SRRM4: variants seen among roughly 807,000 people sequenced by gnomAD.
SRRM4 encodes the protein serine/arginine repetitive matrix protein 4.
SRRM4 carries 33 observed loss-of-function variants against 68.9 expected under a neutral mutation model. The ratio of observed to expected loss-of-function variants is 0.48; its 90% CI spans 0.36 to 0.64. The LOEUF is 0.64. Among genes scored for constraint, SRRM4 ranks in the 30% least tolerant of loss-of-function variants. The probability of loss-of-function intolerance (pLI) is 0.00; values close to 1 mark genes in which losing one functional copy is unlikely to be tolerated. For missense variants in SRRM4, 817 were observed against 827.1 expected (o/e 0.99, Z 0.15); for synonymous variants, 318 against 318.8 (o/e 1.00, Z 0.03).
intron 2 of SRRM4, among the ~76,000 whole-genome samples, chr12:119,108,460 G>A (rs937774921): frequency 1.3e-5 from 2 of 152,120 alleles, no homozygotes; most frequent in African/African-American, 4.8e-5. Flanking sequence ...AAGTCTCATT[G>A]TATGTCTCTA....
intron 1 of SRRM4, among the ~76,000 whole-genome samples, chr12:119,088,596 A>G (rs1953993949): frequency 6.6e-6 from 1 of 151,808 alleles, no homozygotes; most frequent in East Asian, 1.9e-4. Context: ...GCCCAAGGCC[A>G]CCAGTGATGT....
intron 2 of SRRM4, among the ~76,000 whole-genome samples, 195 bp downstream of exon 2, chr12:119,102,577 C>G (rs538784952): frequency 1.3e-5 from 2 of 152,318 alleles, no homozygotes; most frequent in East Asian, 3.9e-4. Flanking sequence ...AACTACTCAA[C>G]TCAGCCATTG....
In SRRM4 at chr12:119,034,950, G is replaced by A. The variant is rs1200796471; in HGVS notation, c.131+52937G>A. 5.3e-5 allele frequency among the ~76,000 whole-genome samples: 8 copies of A among 152,030 alleles called. No homozygotes were observed. In the Middle Eastern group the frequency reaches 0.01, roughly 194 times the overall value. ...TGAAATTTAGCCCTTTTACAATTAC[G>A]GTCATAACCAATATAACATCTTGTT... On this transcript the variant is annotated intron_variant, in intron 1 of 12. Coordinates refer to ENST00000267260, the MANE Select transcript of SRRM4 (RefSeq NM_194286.4).
chr12:119,075,761 GTGATGATGGTGGTGATGATGA>G (rs1335469280), intron 1 of SRRM4, among the ~76,000 whole-genome samples: 12 of 130,386 alleles, frequency 9.2e-5, no homozygotes, highest in Non-Finnish European at 1.5e-4. Context: ...AATGATGATG[GTGATGATGGTGGTGATGATGA>G]TAGCGATGAT....
chr12:119,120,423 G>A, intron 5 of SRRM4, 147 bp downstream of exon 5: 4 of 874,314 alleles, frequency 4.6e-6, no homozygotes, highest in Non-Finnish European at 6.9e-6. Context: ...CCAAAATGAA[G>A]GTCTGGGCTG....
chr12:118,989,529 A>G (rs1267285570), intron 1 of SRRM4, among the ~76,000 whole-genome samples: 1 of 149,400 alleles, frequency 6.7e-6, no homozygotes, highest in African/African-American at 2.5e-5. Flanking sequence ...CTCTCCCGGC[A>G]CCTGTCCCCC....
rs1443416810 is a variant in SRRM4 at position 119,162,733 on chromosome 12, C to T, written c.*5935C>T. The T allele has an allele frequency of 2.6e-5, 4 of 152,146 alleles. No homozygotes were observed. Among genetic ancestry groups the T allele is most frequent in the East Asian group, 1.9e-4 (1 of 5,188 alleles). The allele number at this position is 152,146 out of a possible 1,614,324, so 9.4% of individuals were successfully genotyped here. On this transcript the variant is annotated 3_prime_UTR_variant, in exon 13 of 13. Coordinates refer to ENST00000267260, the MANE Select transcript of SRRM4 (RefSeq NM_194286.4). ...TAATCCACCACATTGGCCAAGGGGA[C>T]GTGGTGCACCCCAAGGCCATTTCTC... is the stretch of plus-strand genomic sequence containing the variant.
At chr12:119,064,903 T>C (rs553488239) in intron 1 of SRRM4, among the ~76,000 whole-genome samples, 2 of 152,302 alleles carry the variant, frequency 1.3e-5, no homozygotes, top group South Asian at 2.1e-4. Context: ...CTTCAGTTGA[T>C]AATGAAGACA....
chr12:119,050,408 G>A (rs1953735190), intron 1 of SRRM4, among the ~76,000 whole-genome samples: 1 of 152,186 alleles, frequency 6.6e-6, no homozygotes, highest in African/African-American at 2.4e-5. Flanking sequence ...GGGCCTCTTG[G>A]GGATTTTGCT....
In SRRM4 at chr12:118,981,792, A is replaced by G. The variant is rs1953248616; in HGVS notation, c.-91A>G. 4 of 1,409,914 alleles carry G rather than the reference A, an allele frequency of 2.8e-6. No individual in the cohort carries two copies. Among genetic ancestry groups the G allele is most frequent in the East Asian group, 2.7e-5 (1 of 37,068 alleles). 87.3% of individuals were successfully genotyped at this position (1,409,914 alleles called of 1,614,324 possible). On this transcript the variant is annotated 5_prime_UTR_variant, in exon 1 of 13. Transcript: ENST00000267260. The stretch of plus-strand genomic sequence containing the variant: ...ACCCCTCTCTGGGTTTCACCCGGAC[A>G]GAGCCGGGAGCTGGGTGTCGCCCCC...
chr12:119,022,086 A>G (rs1417537638), intron 1 of SRRM4, among the ~76,000 whole-genome samples: 1 of 152,134 alleles, frequency 6.6e-6, no homozygotes, highest in Non-Finnish European at 1.5e-5. Flanking sequence ...CTTAATACCT[A>G]GGTGATGGGT....
chr12:119,076,749 G>A (rs1042990395), intron 1 of SRRM4, among the ~76,000 whole-genome samples: 1 of 152,182 alleles, frequency 6.6e-6, no homozygotes, highest in African/African-American at 2.4e-5. Context: ...TCTCAGGGAG[G>A]TGGAAGCCAA....
intron 2 of SRRM4, among the ~76,000 whole-genome samples, chr12:119,108,065 G>A (rs528403148): frequency 3.3e-5 from 5 of 152,128 alleles, no homozygotes; most frequent in South Asian, 2.1e-4. Flanking sequence ...CCTTCATTTC[G>A]TTATGTACCC....
At chr12:119,011,473 G>A (rs569556205) in intron 1 of SRRM4, among the ~76,000 whole-genome samples, 1 of 152,208 alleles carries the variant, frequency 6.6e-6, no homozygotes, top group African/African-American at 2.4e-5. Context: ...AATGTCCCCT[G>A]GGGAGCAAAG....
intron 9 of SRRM4, among the ~76,000 whole-genome samples, chr12:119,149,005 T>C (rs1249958764): frequency 1.3e-5 from 2 of 152,000 alleles, no homozygotes; most frequent in Non-Finnish European, 2.9e-5. Flanking sequence ...CTGGGTGGTT[T>C]TGAGGAAATA....
At chr12:119,112,214 G>T (rs73213746) in intron 2 of SRRM4, among the ~76,000 whole-genome samples, 5,990 of 152,180 alleles carry the variant, frequency 0.039, 136 homozygotes, top group African/African-American at 0.056. Flanking sequence ...TACTAAAAGG[G>T]ACCCTCTTAG....
chr12:119,153,452 G>C, intron 10 of SRRM4, 87 bp from the exon 11 acceptor site: 1 of 868,496 alleles, frequency 1.2e-6, no homozygotes. Context: ...TCACTGCCCA[G>C]GGACCCGCTG....
At chr12:118,989,160 G>C (rs1450708737) in intron 1 of SRRM4, among the ~76,000 whole-genome samples, 2 of 148,978 alleles carry the variant, frequency 1.3e-5, no homozygotes, top group Non-Finnish European at 3.0e-5. Context: ...GAGGGTTCTT[G>C]CCTTCTCAAG....
intron 1 of SRRM4, among the ~76,000 whole-genome samples, chr12:119,018,030 T>C (rs983864944): frequency 1.3e-5 from 2 of 152,158 alleles, no homozygotes; most frequent in African/African-American, 4.8e-5. Context: ...AATAAAACAA[T>C]GTCAATAAAA....
Sources: allele counts gnomAD v4.1 joint callset (sites outside exome capture counted in the v4.1 genomes callset), GRCh38; gene constraint gnomAD v4.1.1; transcripts MANE v1.5; gene names NCBI Gene and HGNC (gene_info 2026-07-23, HGNC 2026-07-21).